SH3D19: variants seen among roughly 807,000 people sequenced by gnomAD.
SH3D19 encodes the protein SH3 domain containing 19.
A neutral mutation model predicts 112.1 loss-of-function variants in SH3D19; 58 were observed. The ratio of observed to expected loss-of-function variants is 0.52; its 90% confidence interval spans 0.42 to 0.64. The LOEUF (loss-of-function observed/expected upper bound fraction) is 0.64, where lower values mean the gene tolerates loss of function less well. Ranked by LOEUF, SH3D19 falls within the 30% of genes least tolerant of loss-of-function variation. SH3D19 has a pLI of 0.00. For missense variants in SH3D19, 1,090 were observed against 1,263.4 expected (o/e 0.86, Z 2.08); for synonymous variants, 391 against 448.5 (o/e 0.87, Z 1.62).
chr4:151,288,386 C>T (rs936051279), intron 1 of SH3D19, among the ~76,000 whole-genome samples: 1 of 152,080 alleles, frequency 6.6e-6, no homozygotes, highest in Admixed American at 6.5e-5. Context: ...AAAGGAATGC[C>T]ACCCCCAAAA....
intron 1 of SH3D19, among the ~76,000 whole-genome samples, chr4:151,235,713 G>C (rs942404314): frequency 3.3e-5 from 5 of 152,194 alleles, no homozygotes; most frequent in South Asian, 2.1e-4. Context: ...TTGAACCAGG[G>C]AGGTGGAGGT....
intron 18 of SH3D19, 70 bp downstream of exon 18, chr4:151,128,100 G>T: frequency 1.5e-6 from 2 of 1,296,572 alleles, no homozygotes; most frequent in South Asian, 1.7e-5. Context: ...GAGGGGAAAG[G>T]AATGTATATA....
intron 1 of SH3D19, among the ~76,000 whole-genome samples, chr4:151,265,569 CTTTT>C (rs763878307): frequency 3.2e-5 from 4 of 126,134 alleles, no homozygotes; most frequent in Non-Finnish European, 4.8e-5. Flanking sequence ...TATTTCTTTT[CTTTT>C]TTTTTTTTTT....
chr4:151,191,455 T>C (rs1762618927), intron 2 of SH3D19, among the ~76,000 whole-genome samples: 1 of 152,186 alleles, frequency 6.6e-6, no homozygotes, highest in African/African-American at 2.4e-5. Flanking sequence ...TTCTCATGTG[T>C]CATGGGAGGA....
intron 1 of SH3D19, among the ~76,000 whole-genome samples, chr4:151,246,323 C>T (rs1770944232): frequency 6.6e-6 from 1 of 152,168 alleles, no homozygotes; most frequent in Non-Finnish European, 1.5e-5. Flanking sequence ...ACATCTGAAT[C>T]ATCTAACATA....
chr4:151,243,609 AT>A (rs1770712621), intron 1 of SH3D19, among the ~76,000 whole-genome samples: 1 of 152,230 alleles, frequency 6.6e-6, no homozygotes, highest in South Asian at 2.1e-4. Flanking sequence ...GATAATGGGT[AT>A]GAGGGTCCTT....
intron 1 of SH3D19, among the ~76,000 whole-genome samples, chr4:151,257,934 G>T (rs564005625): frequency 6.6e-6 from 1 of 152,202 alleles, no homozygotes; most frequent in Admixed American, 6.5e-5. Flanking sequence ...AACCAACAAA[G>T]CCAGTCCTTG....
chr4:151,264,675 T>C (rs1354276085), intron 1 of SH3D19, among the ~76,000 whole-genome samples: 1 of 152,182 alleles, frequency 6.6e-6, no homozygotes, highest in African/African-American at 2.4e-5. Context: ...CTCAGGTGTG[T>C]TGGTGTTAAT....
At chr4:151,286,300 A>G (rs1296051032) in intron 1 of SH3D19, among the ~76,000 whole-genome samples, 1 of 151,454 alleles carries the variant, frequency 6.6e-6, no homozygotes, top group Admixed American at 6.6e-5. Context: ...AATAAACAAA[A>G]GCAAAAGTTG....
Position 151,316,201 on chromosome 4 carries a change from G to A in SH3D19, c.112+9040C>T, listed in dbSNP as rs79807272. 6.0e-3 allele frequency among the ~76,000 whole-genome samples: 920 copies of A among 152,216 alleles called. 3 individuals are homozygous for A. Among genetic ancestry groups the A allele is most frequent in the Non-Finnish European group, 9.7e-3 (662 of 68,014 alleles). ...CACCCGTAAGCCAGTTTGATCATGA[G>A]AAAAACATCAGACAAATCTCAACAG... On this transcript the variant is annotated intron_variant, in intron 1 of 19. Transcript: ENST00000604030.
At chr4:151,125,232 T>C (rs986571774) in intron 19 of SH3D19, among the ~76,000 whole-genome samples, 7 of 151,768 alleles carry the variant, frequency 4.6e-5, no homozygotes, top group African/African-American at 1.5e-4. Context: ...CTTTGGGAGG[T>C]TGGGGCGGAT....
At chr4:151,132,250 T>C in intron 17 of SH3D19, 81 bp downstream of exon 17, 1 of 1,127,904 alleles carries the variant, frequency 8.9e-7, no homozygotes, top group East Asian at 2.5e-5. Flanking sequence ...CATACTATAT[T>C]CTCTTGAAAA....
At chr4:151,267,162 A>AT (rs1223838481) in intron 1 of SH3D19, among the ~76,000 whole-genome samples, 4 of 76,138 alleles carry the variant, frequency 5.3e-5, no homozygotes, top group Non-Finnish European at 2.0e-4. Flanking sequence ...CTCTCTAAAA[A>AT]AAAAAAAAAA....
rs201612921 is a variant in SH3D19 at position 151,320,746 on chromosome 4, C to CA, written c.112+4494dup. ...TATTTATACAATGAAAACAAACAAA[C>CA]AAAAAAAACAGAACCGGGCACAGTG... On this transcript the variant is annotated intron_variant, in intron 1 of 19. Coordinates refer to ENST00000604030, the MANE Select transcript of SH3D19 (RefSeq NM_001378122.1). Among the ~76,000 whole-genome samples, 844 of 149,680 alleles carry CA rather than the reference C, an allele frequency of 5.6e-3. 10 individuals carry two copies. The highest frequency in any genetic ancestry group is 0.02 in the African/African-American group (808 of 39,448).
rs1752671090 is a variant in SH3D19 at position 151,139,869 on chromosome 4, T to C, written c.2224-22A>G. On this transcript the variant is annotated intron_variant, in intron 12 of 19. Coordinates refer to ENST00000604030, the MANE Select transcript of SH3D19 (RefSeq NM_001378122.1). ...GATCCTTAGGGGGAGAAAAGGGCTG[T>C]GAATGAAGTGTGCAGGATAGATGGT... 4 of 1,612,060 alleles carry C rather than the reference T, an allele frequency of 2.5e-6. No homozygotes were observed. The South Asian group carries it at 4.4e-5, about 18-fold the overall frequency.
intron 1 of SH3D19, among the ~76,000 whole-genome samples, chr4:151,267,084 C>T (rs575286232): frequency 2.7e-5 from 4 of 150,236 alleles, no homozygotes; most frequent in African/African-American, 4.9e-5. Context: ...TTCTGGAGGC[C>T]GAGGTGGAAG....
chr4:151,193,612 A>G (rs528983666), intron 2 of SH3D19, among the ~76,000 whole-genome samples: 1 of 152,352 alleles, frequency 6.6e-6, no homozygotes, highest in Admixed American at 6.5e-5. Flanking sequence ...AGTAACACAC[A>G]GTGACACACA....
chr4:151,135,117 C>T lies in SH3D19; in HGVS notation c.2443G>A (p.Gly815Arg). ...ACACATTCTCTTTTCCCATTTCCTC[C>T]TTCTGGGATATCAATCTAGCAAAGA... Reference protein sequence around the residue: ...YVKVIIDIPEGGNGKRECVSS... With the variant: ...YVKVIIDIPERGNGKRECVSS... The change falls in exon 15 of 20, where the codon GGA becomes AGA. Residue 815 changes from glycine (G) to arginine (R), a missense_variant. Coordinates refer to ENST00000604030, the MANE Select transcript of SH3D19 (RefSeq NM_001378122.1). 1 of 1,603,276 alleles carries T rather than the reference C, an allele frequency of 6.2e-7. No homozygotes were observed. Among genetic ancestry groups the T allele is most frequent in the South Asian group, 1.1e-5 (1 of 89,044 alleles).
chr4:151,165,261 G>A (rs1757804837), intron 8 of SH3D19, among the ~76,000 whole-genome samples: 1 of 152,118 alleles, frequency 6.6e-6, no homozygotes, highest in Admixed American at 6.6e-5. Context: ...AGAATTGCTT[G>A]AATCCGGGAG....
Sources: gnomAD v4.1 joint callset for allele counts (sites outside exome capture counted in the v4.1 genomes callset) on GRCh38, gnomAD v4.1.1 for gene constraint, MANE v1.5 for transcripts, NCBI Gene and HGNC (gene_info 2026-07-23, HGNC 2026-07-21) for gene names.